The following GCC2 variants were observed in gnomAD, a reference collection of about 807,000 sequenced individuals.
GCC2 encodes the protein GRIP and coiled-coil domain-containing protein 2.
Under a neutral mutation model 210.6 loss-of-function variants are expected in GCC2, and 120 were observed. The observed-to-expected ratio is 0.57, with a 90% CI of 0.49 to 0.66. GCC2 has a LOEUF of 0.66. Among genes scored for constraint, GCC2 ranks in the 30% least tolerant of loss-of-function variants. GCC2 has a pLI of 0.00. For synonymous variants in GCC2, 703 were observed against 652.7 expected (o/e 1.08, Z -1.17); for missense variants, 1,868 against 1,871.9 (o/e 1.00, Z 0.04).
intron 4 of GCC2, among the ~76,000 whole-genome samples, chr2:108,459,449 T>C (rs543130273): frequency 6.6e-6 from 1 of 152,226 alleles, no homozygotes; most frequent in Non-Finnish European, 1.5e-5. Context: ...GAGAAAAATA[T>C]GTATTCTGCA....
rs34052393 is a variant in GCC2, at chr2:108,459,745, C to CTTTTTTTTTTT, written c.216+7302_216+7312dup. Among the ~76,000 whole-genome samples the CTTTTTTTTTTT allele has an allele frequency of 7.0e-3, 188 of 26,770 alleles. 14 individuals carry two copies. Among genetic ancestry groups the CTTTTTTTTTTT allele is most frequent in the African/African-American group, 9.7e-3 (75 of 7,730 alleles). 17.6% of individuals were successfully genotyped at this position (26,770 alleles called of 152,430 possible). ...GCCATTAGATAATGACCTTCTTTGT[C>CTTTTTTTTTTT]TTTTTTTTTTTTTTTTTTTTTTTTT... On this transcript the variant is annotated intron_variant, in intron 4 of 22. Transcript: ENST00000309863.
At chr2:108,468,893 G>A in intron 4 of GCC2, 87 bp from the exon 5 acceptor site, 2 of 786,572 alleles carry the variant, frequency 2.5e-6, no homozygotes, top group East Asian at 2.5e-5. Flanking sequence ...TCACTTCAGT[G>A]TGTTTTGAAA....
chr2:108,493,121 G>A (rs1165279599), intron 19 of GCC2, among the ~76,000 whole-genome samples: 3 of 152,032 alleles, frequency 2.0e-5, no homozygotes, highest in East Asian at 1.9e-4. Context: ...ACGGAGTCTC[G>A]CTGTGTCGCC....
chr2:108,487,277 G>C (rs1191425119), intron 16 of GCC2, among the ~76,000 whole-genome samples: 4 of 152,156 alleles, frequency 2.6e-5, no homozygotes, highest in Non-Finnish European at 5.9e-5. Context: ...AAAATGTATG[G>C]TTAGTAAATT....
At chr2:108,502,888 A>C (rs1438340345) in intron 22 of GCC2, among the ~76,000 whole-genome samples, 1 of 149,608 alleles carries the variant, frequency 6.7e-6, no homozygotes, top group African/African-American at 2.5e-5. Flanking sequence ...GTGCCATTGC[A>C]CTCCAGCCCG....
chr2:108,487,340 G>A (rs1422044830), intron 16 of GCC2, among the ~76,000 whole-genome samples: 2 of 152,158 alleles, frequency 1.3e-5, no homozygotes, highest in Non-Finnish European at 2.9e-5. Flanking sequence ...CAGAAAATAT[G>A]TATTATTGAG....
intron 22 of GCC2, among the ~76,000 whole-genome samples, chr2:108,502,784 G>A (rs1210927522): frequency 1.4e-4 from 21 of 151,972 alleles, no homozygotes; most frequent in Non-Finnish European, 2.4e-4. Context: ...TTAGCCGGGC[G>A]TGGTGGCACA....
chr2:108,493,858 G>A lies in GCC2; in HGVS notation c.4447+1068G>A, dbSNP rs559493321. 16 of 985,426 alleles carry A rather than the reference G, an allele frequency of 1.6e-5. No homozygotes were observed. In the South Asian group the frequency reaches 6.1e-4, roughly 38 times the overall value. 61.0% of individuals were successfully genotyped at this position (985,426 alleles called of 1,614,324 possible). ...AATCTAGCAATCAGCAGTGGAATAA[G>A]CAGTCAGCTTACCAGAAACCCAGGA... On this transcript the variant is annotated intron_variant, in intron 19 of 22. Coordinates refer to ENST00000309863, the MANE Select transcript of GCC2 (RefSeq NM_181453.4).
At chr2:108,493,698 A>G (rs1682512572) in intron 19 of GCC2, 1 of 985,308 alleles carries the variant, frequency 1.0e-6, no homozygotes, top group Admixed American at 6.2e-5. Context: ...TTCCCATGGG[A>G]AATATTGTCA....
intron 22 of GCC2, among the ~76,000 whole-genome samples, chr2:108,503,332 C>G (rs551717861): frequency 6.6e-6 from 1 of 152,288 alleles, no homozygotes; most frequent in Non-Finnish European, 1.5e-5. Flanking sequence ...AAAGAAATAA[C>G]TGCCAACCTT....
intron 6 of GCC2, among the ~76,000 whole-genome samples, chr2:108,472,595 C>T (rs1032798514): frequency 1.0e-4 from 15 of 150,550 alleles, no homozygotes; most frequent in African/African-American, 3.7e-4. Flanking sequence ...TTTATCTTGG[C>T]CTTGGTTACT....
chr2:108,495,521 A>G (rs1340664268), intron 20 of GCC2, 36 bp downstream of exon 20: 1 of 1,383,156 alleles, frequency 7.2e-7, no homozygotes, highest in Admixed American at 1.9e-5. Flanking sequence ...TTTCTTATTT[A>G]ATTTCACTGT....
chr2:108,486,568 T>G lies in GCC2; in HGVS notation c.3850T>G (p.Ser1284Ala). Reference protein sequence around the residue: ...KHKIHEHLKTSAEQHQRTLSA... With the variant: ...KHKIHEHLKTAAEQHQRTLSA... Reference sequence around the variant, plus strand: ...CAAAATCCACGAGCACCTGAAAACCTCTGCGGAACAGCACCAGCGTACGCT... The same window carrying G: ...CAAAATCCACGAGCACCTGAAAACCGCTGCGGAACAGCACCAGCGTACGCT... Residue 1284 changes from serine to alanine, a missense_variant, in exon 16 of 23, where the codon TCT becomes GCT. Around this residue, in one of 3 missense-constraint regions of GCC2, gnomAD observed 1,847 missense variants for 1,765.2 expected, o/e 1.05. Coordinates refer to ENST00000309863, the MANE Select transcript of GCC2 (RefSeq NM_181453.4). The G allele has an allele frequency of 1.9e-6, 3 of 1,614,110 alleles. No individual in the cohort carries two copies. Among genetic ancestry groups the G allele is most frequent in the Non-Finnish European group, 2.5e-6 (3 of 1,179,962 alleles).
At chr2:108,472,555 T>C (rs1187197267) in intron 6 of GCC2, among the ~76,000 whole-genome samples, 1 of 152,042 alleles carries the variant, frequency 6.6e-6, no homozygotes, top group Non-Finnish European at 1.5e-5. Flanking sequence ...ATCTTCTCCT[T>C]ATTACACATG....
intron 4 of GCC2, among the ~76,000 whole-genome samples, chr2:108,462,084 G>T (rs766740796): frequency 1.4e-5 from 2 of 147,478 alleles, no homozygotes; most frequent in Admixed American, 6.7e-5. Flanking sequence ...TGATCCGCCC[G>T]CCTCGGCCTC....
At chr2:108,449,498 G>A in intron 1 of GCC2, 135 bp from the exon 2 acceptor site, 3 of 1,194,676 alleles carry the variant, frequency 2.5e-6, no homozygotes, top group Non-Finnish European at 3.6e-6. Context: ...GCCTCCGTCC[G>A]CCCTCATTCT....
intron 22 of GCC2, among the ~76,000 whole-genome samples, chr2:108,503,272 C>T (rs1402074477): frequency 1.3e-5 from 2 of 151,996 alleles, no homozygotes; most frequent in Non-Finnish European, 2.9e-5. Flanking sequence ...GACACATTGC[C>T]TCACAATAGA....
intron 2 of GCC2, among the ~76,000 whole-genome samples, chr2:108,450,619 C>G (rs945608796): frequency 6.6e-6 from 1 of 152,228 alleles, no homozygotes; most frequent in African/African-American, 2.4e-5. Context: ...CGGTGGGTCA[C>G]GCCTGTAATC....
chr2:108,456,958 A>G (rs950694740), intron 4 of GCC2, among the ~76,000 whole-genome samples: 1 of 151,818 alleles, frequency 6.6e-6, no homozygotes, highest in African/African-American at 2.4e-5. Context: ...TAAAAAAAAA[A>G]AAAAAAAAAT....
Sources: allele counts gnomAD v4.1 joint callset (sites outside exome capture counted in the v4.1 genomes callset), GRCh38; gene constraint gnomAD v4.1.1; regional missense constraint gnomAD v4.1.1; transcripts MANE v1.5; gene names NCBI Gene and HGNC (gene_info 2026-07-23, HGNC 2026-07-21).